Variants in ACOT7 observed in about 807,000 individuals in gnomAD.
ACOT7 encodes the protein cytosolic acyl coenzyme A thioester hydrolase.
A neutral mutation model predicts 40.2 loss-of-function variants in ACOT7; 12 were observed. The observed-to-expected ratio is 0.30, with a 90% CI of 0.19 to 0.48. ACOT7 has a LOEUF of 0.48. ACOT7 is among the 20% of genes least tolerant of loss of function. ACOT7 has a pLI of 0.99. For missense variants in ACOT7, 395 were observed against 530.8 expected, an observed-to-expected ratio of 0.74 and a Z score of 2.51; for synonymous variants, 228 against 219.5, an observed-to-expected ratio of 1.04 and a Z score of -0.34.
rs1639252408 is a variant in ACOT7, at chr1:6,278,137, G to C, written c.1014+2965C>G. Among the ~76,000 whole-genome samples the C allele has an allele frequency of 6.6e-6, 1 of 152,160 alleles. No individual in the cohort carries two copies. Among genetic ancestry groups the C allele is most frequent in the Admixed American group, 6.5e-5 (1 of 15,282 alleles). On this transcript the variant is annotated intron_variant, in intron 8 of 8. Transcript: ENST00000361521. The surrounding 1 kb of genome is among the most constrained non-coding windows in gnomAD (Gnocchi z 4.1). ...GCGGAGGCGACGCTTCTCTAGAGCG[G>C]TTGTGGGTGCCCTTCTAAGGAAAAA...
intron 6 of ACOT7, among the ~76,000 whole-genome samples, chr1:6,303,989 G>A (rs1036010762): frequency 9.2e-5 from 14 of 152,122 alleles, no homozygotes; most frequent in African/African-American, 3.4e-4. Context: ...GCAGAGAAAG[G>A]GTAGATGGAT....
rs2148487446 is a variant in ACOT7, at chr1:6,393,474, C to G, written c.-75G>C. 1 of 1,181,124 alleles carries G rather than the reference C, an allele frequency of 8.5e-7. No individual in the cohort carries two copies. The highest frequency in any genetic ancestry group is 4.4e-5 in the Admixed American group (1 of 22,744). The allele number at this position is 1,181,124 out of a possible 1,614,324, so 73.2% of individuals were successfully genotyped here. ...CGCGCCGGGGGCAATCGAACGCGGC[C>G]TCCCCGCGCCGACCCCGCCCCCGCG... is the stretch of plus-strand genomic sequence containing the variant. On this transcript the variant is annotated 5_prime_UTR_variant, in exon 1 of 9. Transcript: ENST00000361521.
chr1:6,343,368 G>A (rs1201854217), intron 2 of ACOT7, among the ~76,000 whole-genome samples: 2 of 152,240 alleles, frequency 1.3e-5, no homozygotes, highest in East Asian at 3.9e-4. Flanking sequence ...GGTAGGCTGG[G>A]AGCCTCTGTC....
chr1:6,367,870 T>G (rs1456149359), intron 1 of ACOT7, among the ~76,000 whole-genome samples: 2 of 152,170 alleles, frequency 1.3e-5, no homozygotes. Context: ...CCAGGAAGAA[T>G]GAGGTACGCA....
chr1:6,385,598 C>T (rs915864790), intron 1 of ACOT7: 1 of 1,612,304 alleles, frequency 6.2e-7, no homozygotes, highest in Non-Finnish European at 8.5e-7. Flanking sequence ...CCTGGCCAGC[C>T]ACCAGCCTCC....
At chr1:6,382,229 C>G (rs2148480757) in intron 1 of ACOT7, among the ~76,000 whole-genome samples, 1 of 151,516 alleles carries the variant, frequency 6.6e-6, no homozygotes, top group East Asian at 1.9e-4. Context: ...CATGGGGAAA[C>G]CCCGTCTCTA....
intron 2 of ACOT7, among the ~76,000 whole-genome samples, chr1:6,343,999 G>T (rs150714350): frequency 6.0e-4 from 91 of 152,334 alleles, no homozygotes; most frequent in African/African-American, 1.6e-3. Flanking sequence ...ACAGCCCAAC[G>T]ATGTTAAGGC....
intron 6 of ACOT7, among the ~76,000 whole-genome samples, chr1:6,315,583 C>T (rs1234522254): frequency 6.6e-6 from 1 of 151,824 alleles, no homozygotes; most frequent in African/African-American, 2.4e-5. Flanking sequence ...AAACCCGTCT[C>T]TACTAAAAAT....
chr1:6,287,127 G>C (rs965629339), intron 7 of ACOT7, among the ~76,000 whole-genome samples: 17 of 152,364 alleles, frequency 1.1e-4, no homozygotes, highest in African/African-American at 4.1e-4. Flanking sequence ...AGGAGTTCCG[G>C]CACAAGTGCA....
intron 6 of ACOT7, among the ~76,000 whole-genome samples, chr1:6,308,828 C>T (rs989833039): frequency 6.6e-6 from 1 of 152,172 alleles, no homozygotes; most frequent in Non-Finnish European, 1.5e-5. Flanking sequence ...AGCGACTGGG[C>T]GGAGGGAACA....
rs572402308 is a variant in ACOT7 at position 6,297,549 on chromosome 1, C to G, written c.713-2569G>C. Among the ~76,000 whole-genome samples, 134 of 152,316 alleles carry G rather than the reference C, an allele frequency of 8.8e-4. 1 individual carries two copies. The highest frequency in any genetic ancestry group is 2.9e-3 in the African/African-American group (121 of 41,564). Reference sequence around the variant, plus strand: ...GCTGCTCAGCTCCTACCTAGCGCCCCCCATGGGGACCCCATTCTTCAAGAA... The same window carrying G: ...GCTGCTCAGCTCCTACCTAGCGCCCGCCATGGGGACCCCATTCTTCAAGAA... On this transcript the variant is annotated intron_variant, in intron 6 of 8. Transcript: ENST00000361521.
At chr1:6,389,969 T>C (rs1642506837) in intron 1 of ACOT7, among the ~76,000 whole-genome samples, 1 of 152,128 alleles carries the variant, frequency 6.6e-6, no homozygotes, top group African/African-American at 2.4e-5. Flanking sequence ...CAGTGTCCAG[T>C]AAAGCATTGT....
At chr1:6,317,703 T>G (rs1234613332) in intron 6 of ACOT7, among the ~76,000 whole-genome samples, 3 of 151,596 alleles carry the variant, frequency 2.0e-5, no homozygotes, top group African/African-American at 7.3e-5. Context: ...TATCACCAAT[T>G]TGAAAAATGG....
At chr1:6,298,333 C>A (rs1369213319) in intron 6 of ACOT7, among the ~76,000 whole-genome samples, 2 of 152,144 alleles carry the variant, frequency 1.3e-5, no homozygotes, top group Non-Finnish European at 2.9e-5. Flanking sequence ...CGGGGTTTCA[C>A]CATGTTGACC....
At chr1:6,383,139 A>G (rs188077771) in intron 1 of ACOT7, among the ~76,000 whole-genome samples, 37 of 151,222 alleles carry the variant, frequency 2.4e-4, no homozygotes, top group Admixed American at 8.5e-4. Flanking sequence ...TTGGCCTCCC[A>G]AAGTGGTGGG....
chr1:6,323,740 ATATAT>A (rs1640722678), intron 5 of ACOT7, among the ~76,000 whole-genome samples: 36 of 77,944 alleles, frequency 4.6e-4, no homozygotes, highest in East Asian at 1.9e-3. Flanking sequence ...AAAAAAAAAT[ATATAT>A]ATATATATAT....
intron 8 of ACOT7, among the ~76,000 whole-genome samples, chr1:6,277,854 A>C (rs1639240820): frequency 6.6e-6 from 1 of 152,200 alleles, no homozygotes; most frequent in South Asian, 2.1e-4. Flanking sequence ...GTGAGGCCCC[A>C]GGGAGAGCAG....
intron 1 of ACOT7, among the ~76,000 whole-genome samples, chr1:6,392,538 G>T (rs955383805): frequency 1.3e-5 from 2 of 152,132 alleles, no homozygotes; most frequent in African/African-American, 4.8e-5. Context: ...CTCAGTACCT[G>T]GTGGAAGAAG....
Position 6,393,527 on chromosome 1 carries a change from A to T in ACOT7, c.-128T>A, listed in dbSNP as rs1243237575. The T allele has an allele frequency of 3.6e-6, 3 of 833,742 alleles. No homozygotes were observed. The African/African-American group carries it at 5.5e-5, about 15-fold the overall frequency. 51.6% of individuals were successfully genotyped at this position (833,742 alleles called of 1,614,324 possible). On this transcript the variant is annotated 5_prime_UTR_variant, in exon 1 of 9. Coordinates refer to ENST00000361521, the MANE Select transcript of ACOT7 (RefSeq NM_007274.4). ...GGCCCCACCCCGAGCCCCGCCTCCC[A>T]GGCCGCCAAGGCTGCAGAGAGCTCG... is the stretch of plus-strand genomic sequence containing the variant.
Sources: gnomAD v4.1 joint callset for allele counts (sites outside exome capture counted in the v4.1 genomes callset) on GRCh38, gnomAD v4.1.1 for gene constraint, Gnocchi (gnomAD v3.1) non-coding constraint, MANE v1.5 for transcripts, NCBI Gene and HGNC (gene_info 2026-07-23, HGNC 2026-07-21) for gene names.